The following RANBP2 variants were observed in gnomAD, a reference collection of about 807,000 sequenced individuals.
The protein encoded by RANBP2 is E3 SUMO-protein ligase RanBP2.
RANBP2 carries 57 observed loss-of-function variants against 303.6 expected under a neutral mutation model. The observed-to-expected ratio is 0.19, with a 90% CI of 0.15 to 0.23. RANBP2 has a LOEUF of 0.23. Among genes scored for constraint, RANBP2 ranks in the 10% least tolerant of loss-of-function variants. The probability of loss-of-function intolerance (pLI) is 1.00; values close to 1 mark genes in which losing one functional copy is unlikely to be tolerated. For synonymous variants in RANBP2, 1,167 were observed against 1,301.5 expected (o/e 0.90, Z 2.23); for missense variants, 3,138 against 3,780.8 (o/e 0.83, Z 4.46).
the RANBP2 span, among the ~76,000 whole-genome samples, chr2:109,562,535 A>G: frequency 6.6e-6 from 1 of 152,140 alleles, no homozygotes; most frequent in Non-Finnish European, 1.5e-5. Flanking sequence ...ATGACTAAGA[A>G]TTCTGACTGC....
the RANBP2 span, chr2:109,432,753 A>G: frequency 4.0e-6 from 6 of 1,494,796 alleles, no homozygotes; most frequent in African/African-American, 7.0e-5. Flanking sequence ...GCTGGAGGCT[A>G]CTCTGTCAGC....
chr2:109,369,319 A>T, the RANBP2 span, among the ~76,000 whole-genome samples: 1 of 152,174 alleles, frequency 6.6e-6, no homozygotes, highest in Non-Finnish European at 1.5e-5. Flanking sequence ...ATTGCACTCC[A>T]GTCTGGCGAC....
the RANBP2 span, among the ~76,000 whole-genome samples, chr2:109,234,901 T>A: frequency 6.6e-6 from 1 of 152,260 alleles, no homozygotes; most frequent in East Asian, 1.9e-4. Context: ...CAAACTAGTT[T>A]GTTCCATTTT....
the RANBP2 span, chr2:109,546,176 T>A: frequency 6.2e-7 from 1 of 1,609,094 alleles, no homozygotes; most frequent in Non-Finnish European, 8.5e-7. Context: ...TCTTCTCTTT[T>A]CTTCAAGCTT....
At chr2:109,244,147 AT>A in the RANBP2 span, among the ~76,000 whole-genome samples, 6 of 151,980 alleles carry the variant, frequency 3.9e-5, no homozygotes, top group South Asian at 8.3e-4. Context: ...CTCTGTAGCT[AT>A]TTTTTTTGTA....
chr2:108,776,215 T>C (rs1677882727), intron 24 of RANBP2, among the ~76,000 whole-genome samples: 1 of 152,188 alleles, frequency 6.6e-6, no homozygotes, highest in South Asian at 2.1e-4. Context: ...TGTTGTTACA[T>C]GTAATTTCCT....
chr2:108,903,290 G>A, the RANBP2 span, among the ~76,000 whole-genome samples: 1 of 151,990 alleles, frequency 6.6e-6, no homozygotes, highest in Non-Finnish European at 1.5e-5. Flanking sequence ...CAGAAGACTC[G>A]ACATAATAAA....
chr2:109,203,780 A>G, the RANBP2 span, among the ~76,000 whole-genome samples: 1 of 151,968 alleles, frequency 6.6e-6, no homozygotes, highest in Non-Finnish European at 1.5e-5. Context: ...CCCTCGGTCC[A>G]TCCATTCCTG....
the RANBP2 span, among the ~76,000 whole-genome samples, chr2:109,475,262 C>A: frequency 2.0e-5 from 3 of 152,240 alleles, no homozygotes; most frequent in African/African-American, 7.2e-5. Context: ...CAGGCGTGAG[C>A]CACCACGCCC....
At chr2:109,262,232 A>C in the RANBP2 span, among the ~76,000 whole-genome samples, 1 of 152,230 alleles carries the variant, frequency 6.6e-6, no homozygotes. Flanking sequence ...TTCTGCATTT[A>C]ACCATCTGAG....
At chr2:109,514,065 G>A in the RANBP2 span, among the ~76,000 whole-genome samples, 1 of 152,146 alleles carries the variant, frequency 6.6e-6, no homozygotes, top group Non-Finnish European at 1.5e-5. Context: ...CCTTAATGTG[G>A]GCATGTTCCC....
chr2:109,196,297 C>T, the RANBP2 span, among the ~76,000 whole-genome samples: 1 of 152,340 alleles, frequency 6.6e-6, no homozygotes, highest in African/African-American at 2.4e-5. Context: ...AGGCCAGCAG[C>T]CCTGGATTGG....
At chr2:109,294,773 G>A in the RANBP2 span, among the ~76,000 whole-genome samples, 2 of 152,110 alleles carry the variant, frequency 1.3e-5, no homozygotes, top group Admixed American at 6.6e-5. Context: ...GACCCGAGTG[G>A]GAGGATGGCT....
the RANBP2 span, among the ~76,000 whole-genome samples, chr2:109,077,106 T>C: frequency 6.6e-6 from 1 of 150,410 alleles, no homozygotes; most frequent in Non-Finnish European, 1.5e-5. Flanking sequence ...CTAACTAATT[T>C]TCAACAAGGA....
the RANBP2 span, among the ~76,000 whole-genome samples, chr2:109,226,998 C>G: frequency 6.6e-6 from 1 of 152,180 alleles, no homozygotes; most frequent in East Asian, 1.9e-4. Flanking sequence ...CTTTCTAGCT[C>G]TGGGTCCCAC....
chr2:109,686,480 A>T, the RANBP2 span, among the ~76,000 whole-genome samples: 2 of 151,950 alleles, frequency 1.3e-5, no homozygotes, highest in African/African-American at 4.8e-5. Context: ...ATGCCAGGCT[A>T]ATTTTTGTAT....
chr2:108,897,330 A>T, the RANBP2 span: 946,031 of 1,216,424 alleles, frequency 0.78, 374,998 homozygotes, highest in East Asian at 0.86. Context: ...TTTGAAAAAA[A>T]TTTTTTTAAA....
At chr2:109,411,041 C>T in the RANBP2 span, among the ~76,000 whole-genome samples, 1 of 152,206 alleles carries the variant, frequency 6.6e-6, no homozygotes, top group African/African-American at 2.4e-5. Flanking sequence ...CATTAAAAAT[C>T]AAAGCAGCAT....
chr2:109,268,214 C>T, the RANBP2 span, among the ~76,000 whole-genome samples: 1 of 151,968 alleles, frequency 6.6e-6, no homozygotes, highest in Admixed American at 6.6e-5. Context: ...TTTATCTTCC[C>T]CAGTGGTTTC....
Sources: gnomAD v4.1 joint callset for allele counts (sites outside exome capture counted in the v4.1 genomes callset) on GRCh38, gnomAD v4.1.1 for gene constraint, MANE v1.5 for transcripts, NCBI Gene and HGNC (gene_info 2026-07-23, HGNC 2026-07-21) for gene names.